AFF3: variants seen among roughly 807,000 people sequenced by gnomAD.
The protein encoded by AFF3 is AF4/FMR2 family member 3.
AFF3 carries 32 observed loss-of-function variants against 129.7 expected under a neutral mutation model. The observed-to-expected ratio is 0.25, with a 90% CI of 0.19 to 0.33. AFF3 has a LOEUF of 0.33. Ranked by LOEUF, AFF3 falls within the 10% of genes least tolerant of loss-of-function variation. The probability of loss-of-function intolerance (pLI) is 1.00; values close to 1 mark genes in which losing one functional copy is unlikely to be tolerated. For missense variants in AFF3, 1,373 were observed against 1,592.0 expected (o/e 0.86, Z 2.34); for synonymous variants, 644 against 635.4 (o/e 1.01, Z -0.20).
intron 4 of AFF3, among the ~76,000 whole-genome samples, chr2:100,043,385 CTG>C (rs1011702173): frequency 2.6e-5 from 4 of 152,200 alleles, no homozygotes; most frequent in African/African-American, 9.7e-5. Flanking sequence ...GACAGCAAAA[CTG>C]TGTTACTCCC....
intron 7 of AFF3, 81 bp from the exon 8 acceptor site, chr2:99,837,605 C>G (rs199999320): frequency 2.8e-5 from 37 of 1,299,144 alleles, no homozygotes; most frequent in Non-Finnish European, 3.7e-5. Flanking sequence ...CCAAATTAGT[C>G]CCCCCCAACA....
chr2:100,038,071 T>C (rs564998767), intron 4 of AFF3, among the ~76,000 whole-genome samples: 2 of 152,112 alleles, frequency 1.3e-5, no homozygotes, highest in South Asian at 4.1e-4. Flanking sequence ...GCTTTATTTC[T>C]TTGTACCTGG....
chr2:99,678,797 C>T (rs1558738070), intron 11 of AFF3, among the ~76,000 whole-genome samples: 1 of 152,216 alleles, frequency 6.6e-6, no homozygotes, highest in Non-Finnish European at 1.5e-5. Flanking sequence ...AAGTGCATCT[C>T]TCTGCAGTTA....
intron 10 of AFF3, among the ~76,000 whole-genome samples, chr2:99,727,713 C>T (rs182335584): frequency 6.6e-6 from 1 of 152,220 alleles, no homozygotes; most frequent in African/African-American, 2.4e-5. Flanking sequence ...AGGTGCCTGC[C>T]ACCACACCTG....
intron 22 of AFF3, among the ~76,000 whole-genome samples, chr2:99,556,477 C>A (rs1674931378): frequency 6.6e-6 from 1 of 152,152 alleles, no homozygotes; most frequent in African/African-American, 2.4e-5. Context: ...CTTGAGTTCT[C>A]TTCCTCTACC....
chr2:99,996,657 G>C (rs1233305731), intron 7 of AFF3, among the ~76,000 whole-genome samples: 1 of 151,776 alleles, frequency 6.6e-6, no homozygotes, highest in Non-Finnish European at 1.5e-5. Flanking sequence ...TGGGATTACG[G>C]GCGTGAGCCA....
chr2:99,611,630 A>C (rs930268631), intron 13 of AFF3, among the ~76,000 whole-genome samples: 1 of 152,086 alleles, frequency 6.6e-6, no homozygotes, highest in Non-Finnish European at 1.5e-5. Context: ...TCACACCTGT[A>C]ATCCCAACAC....
At chr2:99,744,068 TC>T in intron 10 of AFF3, 35 bp downstream of exon 10, 1 of 1,516,802 alleles carries the variant, frequency 6.6e-7, no homozygotes. Context: ...CACCCCCTGC[TC>T]CCCAGATGAA....
At chr2:99,837,739 C>A (rs1170587702) in intron 7 of AFF3, among the ~76,000 whole-genome samples, 3 of 152,070 alleles carry the variant, frequency 2.0e-5, no homozygotes, top group East Asian at 1.9e-4. Flanking sequence ...GAGCACCACA[C>A]ACGCACCCCA....
chr2:100,140,282 T>A lies in AFF3; in HGVS notation c.-228+2202A>T, dbSNP rs372288406. Among the ~76,000 whole-genome samples, 5 of 152,324 alleles carry A rather than the reference T, an allele frequency of 3.3e-5. No individual in the cohort carries two copies. The East Asian group carries it at 9.6e-4, about 29-fold the overall frequency. On this transcript the variant is annotated intron_variant, in intron 1 of 24. Transcript: ENST00000672756. ...CAACCTTGATAGGCAAGACATCAGGTCCTTCCTCTGAGTAGTGGTGTAGAA... is the reference window on the plus strand; with the variant it reads ...CAACCTTGATAGGCAAGACATCAGGACCTTCCTCTGAGTAGTGGTGTAGAA...
At chr2:99,576,882 AC>A (rs1677048350) in intron 18 of AFF3, among the ~76,000 whole-genome samples, 3 of 152,170 alleles carry the variant, frequency 2.0e-5, no homozygotes, top group African/African-American at 7.2e-5. Flanking sequence ...GTAGTTGGCC[AC>A]CTGACTGTAC....
intron 8 of AFF3, among the ~76,000 whole-genome samples, chr2:99,820,245 C>A (rs1443266445): frequency 6.6e-6 from 1 of 152,188 alleles, no homozygotes; most frequent in East Asian, 1.9e-4. Context: ...TGGCCTATTG[C>A]TCATAGCCTA....
At chr2:99,921,361 A>G (rs983859613) in intron 7 of AFF3, among the ~76,000 whole-genome samples, 2 of 152,132 alleles carry the variant, frequency 1.3e-5, no homozygotes, top group African/African-American at 4.8e-5. Context: ...GAACTACAAC[A>G]GATTGGAGGA....
Position 99,568,927 on chromosome 2 carries a change from G to A in AFF3, c.2919-12C>T. On this transcript the variant is annotated splice_polypyrimidine_tract_variant and intron_variant, in intron 18 of 24. Transcript: ENST00000672756. Reference sequence around the variant, plus strand: ...CGGCACTGCGAGGCCTACAAGGAGAGAATGATATTAAACGTCATTATGGCT... The same window carrying A: ...CGGCACTGCGAGGCCTACAAGGAGAAAATGATATTAAACGTCATTATGGCT... The A allele has an allele frequency of 6.2e-7, 1 of 1,613,122 alleles. No individual in the cohort carries two copies. Among genetic ancestry groups the A allele is most frequent in the Non-Finnish European group, 8.5e-7 (1 of 1,179,178 alleles).
chr2:99,643,208 C>T (rs766795532), intron 13 of AFF3, among the ~76,000 whole-genome samples: 12 of 151,746 alleles, frequency 7.9e-5, no homozygotes, highest in African/African-American at 1.2e-4. Flanking sequence ...TACAGGTGCA[C>T]GCCACCACGC....
chr2:99,587,133 C>T (rs775270987), intron 16 of AFF3, 21 bp downstream of exon 16: 7 of 1,613,498 alleles, frequency 4.3e-6, no homozygotes, highest in Non-Finnish European at 5.9e-6. Context: ...CTCACTTCCA[C>T]TTTGGAGGGA....
chr2:99,954,300 T>C (rs1434219555), intron 7 of AFF3, among the ~76,000 whole-genome samples: 3 of 152,300 alleles, frequency 2.0e-5, no homozygotes, highest in African/African-American at 7.2e-5. Context: ...TTTCTATCTT[T>C]GGTCACATCT....
intron 2 of AFF3, among the ~76,000 whole-genome samples, chr2:100,127,637 T>A (rs2105577308): frequency 6.6e-6 from 1 of 152,254 alleles, no homozygotes; most frequent in Non-Finnish European, 1.5e-5. Context: ...CCCAAGGAAG[T>A]CCCTGCCCAG....
chr2:99,662,576 A>C (rs921607946), intron 12 of AFF3, among the ~76,000 whole-genome samples: 3 of 152,176 alleles, frequency 2.0e-5, no homozygotes, highest in African/African-American at 7.2e-5. Flanking sequence ...ATTCATTAAG[A>C]CCAACAAGCC....
Sources: allele counts gnomAD v4.1 joint callset (sites outside exome capture counted in the v4.1 genomes callset), GRCh38; gene constraint gnomAD v4.1.1; transcripts MANE v1.5; gene names NCBI Gene and HGNC (gene_info 2026-07-23, HGNC 2026-07-21).